TASP1: variants seen among roughly 807,000 people sequenced by gnomAD.
TASP1 encodes the protein threonine aspartase 1.
In TASP1, 16 loss-of-function variants were observed where a neutral mutation model predicts 56.6. The ratio of observed to expected loss-of-function variants is 0.28; its 90% CI spans 0.19 to 0.43. TASP1 has a LOEUF of 0.43. Among genes scored for constraint, TASP1 ranks in the 20% least tolerant of loss-of-function variants. The pLI, the probability that TASP1 is intolerant of heterozygous loss-of-function variation, is 1.00. For missense variants in TASP1, 393 were observed against 511.6 expected (o/e 0.77, Z 2.24); for synonymous variants, 179 against 184.2 (o/e 0.97, Z 0.23).
chr20:13,268,382 C>G, the TASP1 span, among the ~76,000 whole-genome samples: 1 of 133,460 alleles, frequency 7.5e-6, no homozygotes, highest in Non-Finnish European at 1.7e-5. Flanking sequence ...CTCTCTCTCT[C>G]TCTCTCTCTC....
At chr20:13,352,813 T>A in the TASP1 span, among the ~76,000 whole-genome samples, 1 of 152,230 alleles carries the variant, frequency 6.6e-6, no homozygotes, top group African/African-American at 2.4e-5. Context: ...AATCCAGTCC[T>A]GATCACATCT....
the TASP1 span, among the ~76,000 whole-genome samples, chr20:13,360,861 T>C: frequency 1.3e-5 from 2 of 152,154 alleles, no homozygotes; most frequent in African/African-American, 4.8e-5. Flanking sequence ...ATCTCTCTGA[T>C]CCACCTGACA....
intron 13 of TASP1, chr20:13,393,206 C>A: frequency 1.4e-6 from 1 of 716,042 alleles, no homozygotes; most frequent in South Asian, 1.4e-5. Context: ...TGACCACAGT[C>A]CACGCTATCA....
At chr20:13,540,175 G>A (rs1490297415) in intron 8 of TASP1, among the ~76,000 whole-genome samples, 16 of 152,118 alleles carry the variant, frequency 1.1e-4, no homozygotes, top group Admixed American at 1.0e-3. Context: ...TCCTTAAGAT[G>A]ACATTAAGTA....
At chr20:13,556,907 A>G (rs1382277264) in intron 8 of TASP1, among the ~76,000 whole-genome samples, 1 of 152,214 alleles carries the variant, frequency 6.6e-6, no homozygotes, top group Non-Finnish European at 1.5e-5. Flanking sequence ...CCTTCATAAC[A>G]GTTACAAGAA....
At chr20:13,198,846 CTTTCT>C in the TASP1 span, among the ~76,000 whole-genome samples, 2 of 134,008 alleles carry the variant, frequency 1.5e-5, no homozygotes, top group African/African-American at 5.5e-5. Context: ...TTCTTTCTTT[CTTTCT>C]TTCTTTCCTT....
intron 12 of TASP1, among the ~76,000 whole-genome samples, chr20:13,429,585 T>C (rs1045021957): frequency 5.9e-5 from 9 of 151,878 alleles, no homozygotes; most frequent in Non-Finnish European, 1.2e-4. Context: ...ATTTGTGCTA[T>C]AGGAAATTCA....
At chr20:13,365,797 T>C in the TASP1 span, among the ~76,000 whole-genome samples, 1 of 152,052 alleles carries the variant, frequency 6.6e-6, no homozygotes, top group Admixed American at 6.6e-5. Flanking sequence ...AGGGAAGAGA[T>C]GTGATGATTT....
the TASP1 span, among the ~76,000 whole-genome samples, chr20:13,304,273 G>A: frequency 2.0e-5 from 3 of 152,162 alleles, no homozygotes; most frequent in Non-Finnish European, 4.4e-5. Context: ...TGAGCACCCA[G>A]TCAGTCTCTG....
the TASP1 span, among the ~76,000 whole-genome samples, chr20:13,286,955 G>T: frequency 2.0e-5 from 3 of 152,374 alleles, no homozygotes; most frequent in South Asian, 4.1e-4. Context: ...TAAACCAGGA[G>T]AAACTGTCAC....
At chr20:13,498,810 A>C (rs1284565865) in intron 10 of TASP1, among the ~76,000 whole-genome samples, 1 of 152,060 alleles carries the variant, frequency 6.6e-6, no homozygotes, top group African/African-American at 2.4e-5. Flanking sequence ...AAAAAAAAAA[A>C]AAAGGTGTTG....
intron 8 of TASP1, among the ~76,000 whole-genome samples, chr20:13,555,245 G>A (rs982201542): frequency 4.0e-5 from 6 of 151,822 alleles, no homozygotes; most frequent in South Asian, 2.1e-4. Flanking sequence ...TTAGCCAGGC[G>A]TGGTGGCGGG....
chr20:13,560,339 G>A (rs1223369861), intron 7 of TASP1, among the ~76,000 whole-genome samples: 2 of 152,120 alleles, frequency 1.3e-5, no homozygotes, highest in Admixed American at 6.6e-5. Context: ...GTAAACTGAG[G>A]ACTAAAGGTA....
chr20:13,421,556 A>G (rs999219270), intron 12 of TASP1, among the ~76,000 whole-genome samples: 2 of 152,224 alleles, frequency 1.3e-5, no homozygotes, highest in African/African-American at 4.8e-5. Flanking sequence ...TATGAACAAA[A>G]GGGAATATGA....
In TASP1 at chr20:13,540,884, CA is replaced by C. The variant is rs899104644; in HGVS notation, c.676-6744del. The stretch of plus-strand genomic sequence containing the variant: ...GTGTAAATTTTACCTGTAAAAAAGG[CA>C]AAAAAAAATCAATAGCAATGTACTA... On this transcript the variant is annotated intron_variant, in intron 8 of 13. Coordinates refer to ENST00000337743, the MANE Select transcript of TASP1 (RefSeq NM_017714.3). Among the ~76,000 whole-genome samples, 7 of 148,690 alleles carry C rather than the reference CA, an allele frequency of 4.7e-5. No individual in the cohort carries two copies. The East Asian group carries it at 1.2e-3, about 25-fold the overall frequency.
intron 11 of TASP1, among the ~76,000 whole-genome samples, chr20:13,452,429 T>A (rs930442125): frequency 1.6e-5 from 2 of 125,106 alleles, no homozygotes; most frequent in African/African-American, 4.1e-5. Flanking sequence ...AAAAAAAAAA[T>A]TCCTGAAAAA....
chr20:13,291,267 T>C, the TASP1 span, among the ~76,000 whole-genome samples: 4 of 152,232 alleles, frequency 2.6e-5, no homozygotes, highest in Non-Finnish European at 2.9e-5. Context: ...TCCTGGCTAT[T>C]GCAGCTTTTC....
chr20:13,434,271 T>A (rs573133605), intron 12 of TASP1, among the ~76,000 whole-genome samples: 1 of 152,286 alleles, frequency 6.6e-6, no homozygotes, highest in East Asian at 1.9e-4. Flanking sequence ...AAGTTAACTT[T>A]AAAAAAATAA....
intron 8 of TASP1, among the ~76,000 whole-genome samples, chr20:13,540,104 C>G (rs2045567686): frequency 6.6e-6 from 1 of 152,096 alleles, no homozygotes; most frequent in Non-Finnish European, 1.5e-5. Context: ...CCATAGTGAA[C>G]CACTGGTTAA....
Sources: allele counts gnomAD v4.1 joint callset (sites outside exome capture counted in the v4.1 genomes callset), GRCh38; gene constraint gnomAD v4.1.1; transcripts MANE v1.5; gene names NCBI Gene and HGNC (gene_info 2026-07-23, HGNC 2026-07-21).